The following DDHD1 variants were observed in gnomAD, a reference collection of about 807,000 sequenced individuals.
DDHD1 encodes the protein phospholipase DDHD1.
In DDHD1, 49 loss-of-function variants were observed where a neutral mutation model predicts 96.4. The ratio of observed to expected loss-of-function variants is 0.51; its 90% CI spans 0.40 to 0.64. The LOEUF is 0.64. DDHD1 is among the 30% of genes least tolerant of loss of function. DDHD1 has a pLI of 0.00. For synonymous variants in DDHD1, 442 were observed against 446.5 expected (o/e 0.99, Z 0.13); for missense variants, 1,106 against 1,161.2 (o/e 0.95, Z 0.69).
At chr14:53,066,994 T>C (rs1259983221) in intron 6 of DDHD1, among the ~76,000 whole-genome samples, 1 of 150,782 alleles carries the variant, frequency 6.6e-6, no homozygotes, top group African/African-American at 2.4e-5. Context: ...ACCTCTCACT[T>C]AGGAAGCACC....
At chr14:53,111,555 G>C (rs1888107221) in intron 1 of DDHD1, among the ~76,000 whole-genome samples, 1 of 152,120 alleles carries the variant, frequency 6.6e-6, no homozygotes. Flanking sequence ...TTCCTGTACA[G>C]GTCATGCAAA....
chr14:53,058,668 T>C (rs752289103), intron 8 of DDHD1, 42 bp from the exon 9 acceptor site: 20 of 1,556,952 alleles, frequency 1.3e-5, no homozygotes, highest in Non-Finnish European at 1.7e-5. Flanking sequence ...AATGGTGAAG[T>C]GTTATCTTTC....
intron 1 of DDHD1, among the ~76,000 whole-genome samples, chr14:53,143,378 A>C (rs1890769535): frequency 6.6e-6 from 1 of 152,260 alleles, no homozygotes; most frequent in African/African-American, 2.4e-5. Flanking sequence ...TGCAGTAAAG[A>C]AATAGCTCTT....
At position 53,153,255 on chromosome 14, in the gene DDHD1, C is replaced by A. The variant is rs998669824; in HGVS notation, c.-157G>T. 5.0e-6 allele frequency: 3 copies of A among 594,282 alleles called. No individual in the cohort carries two copies. Among genetic ancestry groups the A allele is most frequent in the Non-Finnish European group, 7.7e-6 (3 of 389,692 alleles). The allele number at this position is 594,282 out of a possible 1,614,324, so 36.8% of individuals were successfully genotyped here. On this transcript the variant is annotated 5_prime_UTR_variant, in exon 1 of 13. Coordinates refer to ENST00000673822, the MANE Select transcript of DDHD1 (RefSeq NM_001160148.2). The stretch of plus-strand genomic sequence containing the variant: ...GGCAGCGGCGACCGCTCCGCCCCCA[C>A]GAGACCCGCAGCCGCCGCAGCTGCG...
At chr14:53,126,284 A>G (rs573299398) in intron 1 of DDHD1, among the ~76,000 whole-genome samples, 55 of 152,344 alleles carry the variant, frequency 3.6e-4, no homozygotes, top group African/African-American at 1.3e-3. Context: ...AAAAATAGAA[A>G]AATTGAAAGG....
intron 1 of DDHD1, among the ~76,000 whole-genome samples, chr14:53,125,040 A>C (rs573408871): frequency 1.3e-5 from 2 of 152,252 alleles, no homozygotes; most frequent in African/African-American, 4.8e-5. Flanking sequence ...TGAAGACACC[A>C]GTCAGACTGG....
chr14:53,118,132 C>T lies in DDHD1; in HGVS notation c.839-14276G>A, dbSNP rs141804768. On this transcript the variant is annotated intron_variant, in intron 1 of 12. Transcript: ENST00000673822. ...ACAGCATCAACATCAACAAAAAGGA[C>T]ATCCACACCAAAACTCCACCTGTAG... Among the ~76,000 whole-genome samples the T allele has an allele frequency of 2.3e-3, 353 of 152,302 alleles. 10 individuals are homozygous for T. In the East Asian group the frequency reaches 0.06, roughly 26 times the overall value.
At chr14:53,084,020 A>G (rs1885719180) in intron 4 of DDHD1, among the ~76,000 whole-genome samples, 1 of 152,178 alleles carries the variant, frequency 6.6e-6, no homozygotes. Flanking sequence ...GTCAACTTCC[A>G]TCTGATTCTA....
chr14:53,096,770 T>C (rs980208243), intron 2 of DDHD1, among the ~76,000 whole-genome samples: 14 of 152,006 alleles, frequency 9.2e-5, no homozygotes, highest in Non-Finnish European at 2.1e-4. Context: ...TTCAAGTTCT[T>C]AAAAGACTTT....
chr14:53,084,004 G>A (rs998317193), intron 4 of DDHD1, among the ~76,000 whole-genome samples: 2 of 152,118 alleles, frequency 1.3e-5, no homozygotes, highest in African/African-American at 4.8e-5. Context: ...CTATAGTTAA[G>A]ATGAAGTCAA....
intron 2 of DDHD1, among the ~76,000 whole-genome samples, chr14:53,095,779 A>G (rs986407018): frequency 2.0e-5 from 3 of 152,160 alleles, no homozygotes; most frequent in African/African-American, 4.8e-5. Context: ...TCTAAACCAC[A>G]TTTTTGTTAA....
chr14:53,116,563 A>T (rs1007442582), intron 1 of DDHD1, among the ~76,000 whole-genome samples: 2 of 152,228 alleles, frequency 1.3e-5, no homozygotes, highest in African/African-American at 4.8e-5. Context: ...CTCAGGATTA[A>T]GAATCTCACT....
intron 1 of DDHD1, 148 bp downstream of exon 1, chr14:53,152,113 G>GAAGAGGATAGTGTAGAT: frequency 4.8e-6 from 4 of 833,732 alleles, no homozygotes; most frequent in Admixed American, 3.2e-5. Flanking sequence ...AGCTGCCGAC[G>GAAGAGGATAGTGTAGAT]CTCCCTGCTC....
At position 53,152,813 on chromosome 14, in the gene DDHD1, AC is replaced by A; in HGVS notation, c.285del (p.Glu95AspfsTer65). The A allele has an allele frequency of 6.2e-7, 1 of 1,610,380 alleles. No individual in the cohort carries two copies. The highest frequency in any genetic ancestry group is 1.1e-5 in the South Asian group (1 of 90,844). On this transcript the variant is annotated frameshift_variant, in exon 1 of 13. Coordinates refer to ENST00000673822, the MANE Select transcript of DDHD1 (RefSeq NM_001160148.2). LOFTEE classifies it high-confidence loss of function. Reference protein sequence around the residue: ...SDENYDFSSAESGSSLRYYSE... With the variant: ...SDENYDFSSAXSGSSLRYYSE... Reference sequence around the variant, plus strand: ...CTGTAGTAGCGCAGCGAGGAGCCCGACTCGGCGGAGCTGAAGTCATAGTTCT... The same window carrying A: ...CTGTAGTAGCGCAGCGAGGAGCCCGATCGGCGGAGCTGAAGTCATAGTTCT...
chr14:53,124,229 C>T (rs555327869), intron 1 of DDHD1, among the ~76,000 whole-genome samples: 211 of 142,766 alleles, frequency 1.5e-3, no homozygotes, highest in Admixed American at 2.7e-3. Flanking sequence ...GAGTGAAACT[C>T]TGTCTCAAAA....
intron 1 of DDHD1, among the ~76,000 whole-genome samples, chr14:53,134,795 T>C (rs541456946): frequency 2.0e-5 from 3 of 152,184 alleles, no homozygotes; most frequent in Non-Finnish European, 4.4e-5. Flanking sequence ...CTTAGTCCTT[T>C]AATACCTGTT....
intron 1 of DDHD1, among the ~76,000 whole-genome samples, chr14:53,132,849 A>G (rs1298307819): frequency 6.6e-6 from 1 of 152,216 alleles, no homozygotes; most frequent in Non-Finnish European, 1.5e-5. Flanking sequence ...TAAGGTAGCT[A>G]AAGAAGCAGC....
intron 2 of DDHD1, among the ~76,000 whole-genome samples, chr14:53,100,495 T>C (rs1403548536): frequency 2.0e-5 from 3 of 151,648 alleles, no homozygotes; most frequent in Non-Finnish European, 4.4e-5. Context: ...TATATAAGAG[T>C]ATGCTCACAG....
At position 53,099,926 on chromosome 14, in the gene DDHD1, A is replaced by G. The variant is rs555586091; in HGVS notation, c.1012+3757T>C. Among the ~76,000 whole-genome samples the G allele has an allele frequency of 8.7e-4, 133 of 152,272 alleles. 1 individual carries two copies. Among genetic ancestry groups the G allele is most frequent in the African/African-American group, 3.1e-3 (128 of 41,566 alleles). ...GCTACAAAGAGTTACACACTGTACC[A>G]AATTTTCATGTTTTTTTTAATTCAA... is the stretch of plus-strand genomic sequence containing the variant. On this transcript the variant is annotated intron_variant, in intron 2 of 12. Coordinates refer to ENST00000673822, the MANE Select transcript of DDHD1 (RefSeq NM_001160148.2).
Sources: gnomAD v4.1 joint callset for allele counts (sites outside exome capture counted in the v4.1 genomes callset) on GRCh38, gnomAD v4.1.1 for gene constraint, MANE v1.5 for transcripts, NCBI Gene and HGNC (gene_info 2026-07-23, HGNC 2026-07-21) for gene names.